FBXO27: variants seen among roughly 807,000 people sequenced by gnomAD.
FBXO27 encodes F-box protein 27, also known as F-box only protein 27.
In FBXO27, 28 loss-of-function variants were observed where a neutral mutation model predicts 28.3. The observed-to-expected ratio is 0.99, with a 90% CI of 0.73 to 1.36. The LOEUF is 1.36. FBXO27 is among the 40% of genes most tolerant of loss of function. The pLI is 0.00. For missense variants in FBXO27, 388 were observed against 394.1 expected (o/e 0.98, Z 0.13); for synonymous variants, 175 against 167.3 (o/e 1.05, Z -0.36).
chr19:39,031,307 C>T lies in FBXO27; in HGVS notation c.378G>A (p.Lys126=). The T allele has an allele frequency of 6.2e-7, 1 of 1,613,990 alleles. No individual in the cohort carries two copies. The highest frequency in any genetic ancestry group is 8.5e-7 in the Non-Finnish European group (1 of 1,179,916). The change falls in exon 3 of 6, where the codon AAG becomes AAA. Residue 126 remains lysine, a synonymous_variant. Coordinates refer to ENST00000292853, the MANE Select transcript of FBXO27 (RefSeq NM_178820.5). ...RNPCGQEGLR[K]WMVQHGGDGW... Reference sequence around the variant, plus strand: ...CGTCCCCACCGTGTTGCACCATCCACTTTCGGAGGCCTTCTGTGAAATAAA... The same window carrying T: ...CGTCCCCACCGTGTTGCACCATCCATTTTCGGAGGCCTTCTGTGAAATAAA...
At chr19:39,023,206 G>A (rs2072854051), downstream of FBXO27, among the ~76,000 whole-genome samples, 1 of 152,200 alleles carries the variant, frequency 6.6e-6, no homozygotes, top group African/African-American at 2.4e-5. Flanking sequence ...AGAGTACTGG[G>A]ATTACAGGCG....
chr19:39,011,363 C>T (rs1433338770), intron 2 of FBXO27, among the ~76,000 whole-genome samples: 3 of 152,050 alleles, frequency 2.0e-5, no homozygotes, highest in East Asian at 1.9e-4. Flanking sequence ...ACCTGGGAGG[C>T]GGAGGTTGCA....
chr19:39,021,716 G>A (rs1222636251), downstream of FBXO27, among the ~76,000 whole-genome samples: 2 of 151,902 alleles, frequency 1.3e-5, no homozygotes, highest in African/African-American at 4.8e-5. Context: ...AGGCTGGAGT[G>A]CAGCGGTGCA....
intron 4 of FBXO27, among the ~76,000 whole-genome samples, chr19:39,029,589 G>A (rs891354344): frequency 4.6e-5 from 7 of 152,010 alleles, no homozygotes; most frequent in South Asian, 2.1e-4. Context: ...ATTGGGGAAC[G>A]AGAATCATAT....
intron 2 of FBXO27, among the ~76,000 whole-genome samples, chr19:39,012,346 G>T (rs1360359227): frequency 6.6e-6 from 1 of 151,574 alleles, no homozygotes; most frequent in Non-Finnish European, 1.5e-5. Context: ...AACCACGCCC[G>T]ACCCATTTTG....
chr19:39,013,594 C>T (rs2072805996), intron 2 of FBXO27, among the ~76,000 whole-genome samples: 1 of 151,410 alleles, frequency 6.6e-6, no homozygotes, highest in Non-Finnish European at 1.5e-5. Context: ...CACACCACTG[C>T]ACTCCAGCAT....
Position 39,007,075 on chromosome 19 carries a change from AAAAT to A in FBXO27, c.252+7308_252+7311del, listed in dbSNP as rs1387678068. On this transcript the variant is annotated intron_variant, in intron 2 of 2. Transcript: ENST00000598394. ...GTGTCTCCAAAAAAAAAAAAAAAAA[AAAAT>A]ACAGAAAAGTACAATCCCAGAGGGC... is the stretch of plus-strand genomic sequence containing the variant. 7.8e-3 allele frequency among the ~76,000 whole-genome samples: 1,166 copies of A among 149,196 alleles called. 52 individuals carry two copies. Among genetic ancestry groups the A allele is most frequent in the African/African-American group, 0.027 (1,091 of 40,044 alleles).
In FBXO27 at chr19:39,032,142, A is replaced by T; in HGVS notation, c.86T>A (p.Leu29Gln). ...EPEEALDLSQ[L>Q]PPELLLVVLS... ...CACCACCAGAAGCAGCTCTGGGGGT[A>T]GTTGGCTCAGGTCCAGCGCCTCTTC... The change falls in exon 2 of 6, where the codon CTA becomes CAA. Residue 29 changes from leucine (L) to glutamine (Q), a missense_variant. Leu to Gln is a moderately radical substitution (Grantham distance 113, BLOSUM62 -2). Transcript: ENST00000292853. The surrounding 1 kb of genome is among the most constrained non-coding windows in gnomAD (Gnocchi z 4.7). 6.5e-7 allele frequency: 1 copy of T among 1,543,862 alleles called. No individual in the cohort carries two copies.
chr19:39,027,765 C>T (rs932302145), intron 4 of FBXO27, among the ~76,000 whole-genome samples: 13 of 152,066 alleles, frequency 8.5e-5, no homozygotes, highest in African/African-American at 3.1e-4. Context: ...CTTCCTGCCT[C>T]CGCCTCCCAA....
intron 2 of FBXO27, among the ~76,000 whole-genome samples, chr19:39,013,611 C>A (rs1312827367): frequency 6.7e-6 from 1 of 148,280 alleles, no homozygotes; most frequent in Non-Finnish European, 1.5e-5. Context: ...GCATGGGTGA[C>A]AGAAGGAGAC....
intron 2 of FBXO27, among the ~76,000 whole-genome samples, chr19:39,012,571 A>G (rs1293565574): frequency 6.6e-6 from 1 of 152,242 alleles, no homozygotes; most frequent in Non-Finnish European, 1.5e-5. Context: ...ACATTTTTAT[A>G]CAAGTTGACT....
Position 39,025,391 on chromosome 19 carries a change from G to A in FBXO27, c.*20C>T. On this transcript the variant is annotated 3_prime_UTR_variant, in exon 6 of 6. Transcript: ENST00000292853. The stretch of plus-strand genomic sequence containing the variant: ...CTGGAAGGCACAGTCAGGCTGTCTT[G>A]CAAGAAGGGTAGTGCTGGACTAGGA... 6.2e-7 allele frequency: 1 copy of A among 1,605,482 alleles called. No homozygotes were observed.
rs151102214 is a variant in FBXO27, at chr19:39,025,531, G to A, written c.732C>T (p.Ile244=). 3 of 1,613,906 alleles carry A rather than the reference G, an allele frequency of 1.9e-6. No homozygotes were observed. In the African/African-American group the frequency reaches 4.0e-5, roughly 22 times the overall value. ...CLHVTHVFSN[I]KMGVRFVSFE... ...AAGACACAAAGCGGACGCCCATCTT[G>A]ATGTTGGAGAACACGTGGGTGACCT... The change falls in exon 6 of 6, where the codon ATC becomes ATT. Residue 244 remains isoleucine, a synonymous_variant. Coordinates refer to ENST00000292853, the MANE Select transcript of FBXO27 (RefSeq NM_178820.5).
chr19:39,019,206 G>A (rs557126472), downstream of FBXO27, among the ~76,000 whole-genome samples: 107 of 151,668 alleles, frequency 7.1e-4, no homozygotes, highest in East Asian at 0.015. Flanking sequence ...GGGCGGTCAC[G>A]AGATCAGGAG....
Position 39,032,440 on chromosome 19 carries a change from C to A in FBXO27, c.-27+63G>T. The A allele has an allele frequency of 3.0e-6, 2 of 661,242 alleles. No homozygotes were observed. Among genetic ancestry groups the A allele is most frequent in the Admixed American group, 4.3e-5 (1 of 23,476 alleles). The allele number at this position is 661,242 out of a possible 1,614,324, so 41.0% of individuals were successfully genotyped here. Reference sequence around the variant, plus strand: ...GGAGACCCCGCGGTCTGTGTGTATGCCCCGAATTGCATGCAATCAGCCCCC... The same window carrying A: ...GGAGACCCCGCGGTCTGTGTGTATGACCCGAATTGCATGCAATCAGCCCCC... On this transcript the variant is annotated intron_variant, in intron 1 of 5. Coordinates refer to ENST00000292853, the MANE Select transcript of FBXO27 (RefSeq NM_178820.5). This position sits in a 1 kb window ranked among gnomAD's most constrained non-coding sequence, Gnocchi z 4.7.
At chr19:39,009,469 T>C (rs2072784431) in intron 2 of FBXO27, among the ~76,000 whole-genome samples, 1 of 152,160 alleles carries the variant, frequency 6.6e-6, no homozygotes, top group Non-Finnish European at 1.5e-5. Context: ...TCTTTTTTTC[T>C]TTTTGCTCAT....
In FBXO27 at chr19:39,024,217, A is replaced by G. The variant is rs2072859410; in HGVS notation, c.*1194T>C. The G allele has an allele frequency of 6.6e-6, 1 of 152,170 alleles. No individual in the cohort carries two copies. The allele number at this position is 152,170 out of a possible 1,614,324, so 9.4% of individuals were successfully genotyped here. A position where few individuals can be genotyped will look rare whatever the true frequency, so the allele number is the denominator to read the frequency against. ...TTTTCAGAGAAACCAGAGTGGGCAG[A>G]ACCATCTCCAAATTCTTTTTTTTTT... On this transcript the variant is annotated 3_prime_UTR_variant, in exon 6 of 6. Transcript: ENST00000292853.
In FBXO27 at chr19:39,032,097, C is replaced by A. The variant is rs2072909112; in HGVS notation, c.131G>T (p.Arg44Leu). 3 of 1,529,286 alleles carry A rather than the reference C, an allele frequency of 2.0e-6. No individual in the cohort carries two copies. The highest frequency in any genetic ancestry group is 5.4e-5 in the East Asian group (2 of 37,380). The allele number at this position is 1,529,286 out of a possible 1,614,324, so 94.7% of individuals were successfully genotyped here. Reference sequence around the variant, plus strand: ...TTGGCGGCAGCGCCCGAGCAGCGTGCGCGGGGGGACGTGGCTCAGCACCAC... The same window carrying A: ...TTGGCGGCAGCGCCCGAGCAGCGTGAGCGGGGGGACGTGGCTCAGCACCAC... ...LLVVLSHVPP[R>L]TLLGRCRQVC... Residue 44 changes from arginine (R) to leucine (L), a missense_variant, in exon 2 of 6, where the codon CGC becomes CTC. Physicochemically the swap from Arg to Leu is moderately radical, Grantham distance 102 (BLOSUM62 -2). Coordinates refer to ENST00000292853, the MANE Select transcript of FBXO27 (RefSeq NM_178820.5). The surrounding 1 kb of genome is among the most constrained non-coding windows in gnomAD (Gnocchi z 4.7).
At chr19:39,006,193 G>A (rs944638687) in intron 2 of FBXO27, among the ~76,000 whole-genome samples, 5 of 152,100 alleles carry the variant, frequency 3.3e-5, no homozygotes, top group African/African-American at 1.2e-4. Context: ...CTGCCGAGGT[G>A]GGCGGATCAC....
Sources: allele counts gnomAD v4.1 joint callset (sites outside exome capture counted in the v4.1 genomes callset), GRCh38; gene constraint gnomAD v4.1.1; non-coding constraint Gnocchi (gnomAD v3.1); transcripts MANE v1.5; gene names NCBI Gene and HGNC (gene_info 2026-07-23, HGNC 2026-07-21).